ANAPC7: variants seen among roughly 807,000 people sequenced by gnomAD.
ANAPC7 encodes the protein anaphase-promoting complex subunit 7.
ANAPC7 carries 25 observed loss-of-function variants against 63.3 expected under a neutral mutation model. The observed-to-expected ratio is 0.39, with a 90% CI of 0.29 to 0.55. The LOEUF is 0.55. Ranked by LOEUF, ANAPC7 falls within the 20% of genes least tolerant of loss-of-function variation. ANAPC7 has a pLI of 0.57. For synonymous variants in ANAPC7, 241 were observed against 251.7 expected (o/e 0.96, Z 0.40); for missense variants, 516 against 691.7 (o/e 0.75, Z 2.85).
chr12:110,391,105 G>A (rs867789683), intron 3 of ANAPC7, among the ~76,000 whole-genome samples: 1 of 152,044 alleles, frequency 6.6e-6, no homozygotes, highest in Non-Finnish European at 1.5e-5. Flanking sequence ...CAGGAGAATC[G>A]CTTGAACCCA....
intron 6 of ANAPC7, among the ~76,000 whole-genome samples, chr12:110,385,509 G>A (rs1308190189): frequency 3.3e-5 from 5 of 152,192 alleles, no homozygotes; most frequent in African/African-American, 4.8e-5. Flanking sequence ...GCTGCCAGCT[G>A]TTGCCAGACT....
chr12:110,392,895 A>G (rs1046050977), intron 3 of ANAPC7, among the ~76,000 whole-genome samples: 8 of 152,184 alleles, frequency 5.3e-5, no homozygotes, highest in African/African-American at 1.9e-4. Context: ...TCCTGGGTTC[A>G]AGCGATTCTC....
chr12:110,397,787 C>T (rs555377537), intron 1 of ANAPC7, among the ~76,000 whole-genome samples: 33 of 151,618 alleles, frequency 2.2e-4, no homozygotes, highest in African/African-American at 7.0e-4. Flanking sequence ...CCCACCTACT[C>T]GGGAGGTTGA....
rs1159994503 is a variant in ANAPC7, at chr12:110,395,597, C to T, written c.289-377G>A. Among the ~76,000 whole-genome samples, 5 of 144,294 alleles carry T rather than the reference C, an allele frequency of 3.5e-5. No homozygotes were observed. The East Asian group carries it at 1.0e-3, about 29-fold the overall frequency. The allele number at this position is 144,294 out of a possible 152,430, so 94.7% of individuals were successfully genotyped here. ...GAGCCACTGTGCCTGGCCTCATCTT[C>T]TTTTTTTTTTTTTGAGACAGAGTCT... On this transcript the variant is annotated intron_variant, in intron 2 of 10. Transcript: ENST00000455511.
chr12:110,394,894 G>C (rs1305950590), intron 3 of ANAPC7, among the ~76,000 whole-genome samples: 4 of 151,842 alleles, frequency 2.6e-5, no homozygotes, highest in Admixed American at 1.3e-4. Context: ...AAAAAACAAA[G>C]AATAAGCATG....
At chr12:110,398,358 G>A (rs1234576032) in intron 1 of ANAPC7, among the ~76,000 whole-genome samples, 2 of 152,062 alleles carry the variant, frequency 1.3e-5, no homozygotes, top group Non-Finnish European at 1.5e-5. Context: ...AGAAGTTGCA[G>A]TGGGCCAAGA....
intron 3 of ANAPC7, among the ~76,000 whole-genome samples, chr12:110,392,092 C>CAAAAAAAAAAAAA (rs1283316509): frequency 6.7e-5 from 1 of 14,846 alleles, no homozygotes; most frequent in African/African-American, 3.2e-4. Context: ...CTCCACCTCA[C>CAAAAAAAAAAAAA]AAAAAAAAAA....
chr12:110,375,433 T>C (rs1186706122), intron 10 of ANAPC7: 6 of 985,240 alleles, frequency 6.1e-6, no homozygotes, highest in Non-Finnish European at 7.2e-6. Flanking sequence ...CACCATAACC[T>C]TACAGACACA....
rs2137908261 is a variant in ANAPC7 at position 110,373,131 on chromosome 12, G to A, written c.*1013C>T. The A allele has an allele frequency of 6.6e-6, 1 of 152,228 alleles. No homozygotes were observed. Among genetic ancestry groups the A allele is most frequent in the Middle Eastern group, 3.4e-3 (1 of 294 alleles). The allele number at this position is 152,228 out of a possible 1,614,324, so 9.4% of individuals were successfully genotyped here. A position where few individuals can be genotyped will look rare whatever the true frequency, so the allele number is the denominator to read the frequency against. On this transcript the variant is annotated 3_prime_UTR_variant, in exon 11 of 11. Coordinates refer to ENST00000455511, the MANE Select transcript of ANAPC7 (RefSeq NM_016238.3). ...CTTAAGGCACAAGGGAGAGGGTGTG[G>A]GAAGAAACTCCCAGCCCCAGAGCTC...
At chr12:110,388,749 T>C (rs986051327) in intron 3 of ANAPC7, 126 bp from the exon 4 acceptor site, 3 of 700,342 alleles carry the variant, frequency 4.3e-6, no homozygotes, top group Admixed American at 5.4e-5. Context: ...CCCACAACCC[T>C]GTGCAAATAA....
chr12:110,373,879 A>C lies in ANAPC7; in HGVS notation c.*265T>G. 2.6e-6 allele frequency: 1 copy of C among 383,988 alleles called. No homozygotes were observed. Among genetic ancestry groups the C allele is most frequent in the Non-Finnish European group, 4.6e-6 (1 of 217,484 alleles). The allele number at this position is 383,988 out of a possible 1,614,324, so 23.8% of individuals were successfully genotyped here. ...TATATAAAAAGTACTCTTGGCCCAG[A>C]AGCCCCAACATGTGCGTGGGTCTCG... is the stretch of plus-strand genomic sequence containing the variant. On this transcript the variant is annotated 3_prime_UTR_variant, in exon 11 of 11. Coordinates refer to ENST00000455511, the MANE Select transcript of ANAPC7 (RefSeq NM_016238.3).
chr12:110,381,967 A>G lies in ANAPC7; in HGVS notation c.936-19T>C. The G allele has an allele frequency of 1.3e-6, 2 of 1,513,202 alleles. No individual in the cohort carries two copies. Among genetic ancestry groups the G allele is most frequent in the Non-Finnish European group, 1.8e-6 (2 of 1,140,196 alleles). 93.7% of individuals were successfully genotyped at this position (1,513,202 alleles called of 1,614,324 possible). A position where few individuals can be genotyped will look rare whatever the true frequency, so the allele number is the denominator to read the frequency against. On this transcript the variant is annotated intron_variant, in intron 7 of 10. Coordinates refer to ENST00000455511, the MANE Select transcript of ANAPC7 (RefSeq NM_016238.3). Reference sequence around the variant, plus strand: ...GTGACAGCTGGAGAAAAAAAAAAAAAAAAAAACACAAAAACCCCAGAAGTT... The same window carrying G: ...GTGACAGCTGGAGAAAAAAAAAAAAGAAAAAACACAAAAACCCCAGAAGTT...
chr12:110,381,454 A>G (rs985542273), intron 8 of ANAPC7, among the ~76,000 whole-genome samples: 3 of 152,072 alleles, frequency 2.0e-5, no homozygotes, highest in African/African-American at 7.2e-5. Context: ...ATCCTGCTTC[A>G]GCCTCCCAAG....
chr12:110,393,573 GA>G (rs1035252822), intron 3 of ANAPC7, among the ~76,000 whole-genome samples: 3 of 148,566 alleles, frequency 2.0e-5, no homozygotes, highest in East Asian at 3.9e-4. Context: ...TTAAAAAAAA[GA>G]AAAAAAAAAT....
intron 3 of ANAPC7, among the ~76,000 whole-genome samples, chr12:110,389,304 A>G (rs1230005599): frequency 6.6e-6 from 1 of 152,146 alleles, no homozygotes; most frequent in Non-Finnish European, 1.5e-5. Flanking sequence ...AAGATGAACT[A>G]TCTCACATAA....
At chr12:110,396,148 C>T in intron 2 of ANAPC7, 118 bp downstream of exon 2, 1 of 862,744 alleles carries the variant, frequency 1.2e-6, no homozygotes, top group East Asian at 2.6e-5. Context: ...CCACCCACCT[C>T]CTGCTGTGCA....
chr12:110,401,869 G>A (rs535077457), intron 1 of ANAPC7, among the ~76,000 whole-genome samples: 5 of 150,584 alleles, frequency 3.3e-5, no homozygotes, highest in Non-Finnish European at 7.4e-5. Flanking sequence ...AGCTACTCGG[G>A]AGGCTGAGGC....
At chr12:110,381,450 C>T (rs1336580401) in intron 8 of ANAPC7, among the ~76,000 whole-genome samples, 4 of 152,150 alleles carry the variant, frequency 2.6e-5, no homozygotes, top group Non-Finnish European at 5.9e-5. Flanking sequence ...GATTATCCTG[C>T]TTCAGCCTCC....
At chr12:110,378,769 A>C (rs1592895391) in intron 8 of ANAPC7, 1 of 152,138 alleles carries the variant, frequency 6.6e-6, no homozygotes, top group Non-Finnish European at 1.5e-5. Flanking sequence ...TTTTCTCTGC[A>C]TACTCCTCCA....
Sources: gnomAD v4.1 joint callset for allele counts (sites outside exome capture counted in the v4.1 genomes callset) on GRCh38, gnomAD v4.1.1 for gene constraint, MANE v1.5 for transcripts, NCBI Gene and HGNC (gene_info 2026-07-23, HGNC 2026-07-21) for gene names.